MGMT: variants seen among roughly 807,000 people sequenced by gnomAD.
MGMT encodes the protein methylated-DNA--protein-cysteine methyltransferase.
A neutral mutation model predicts 15.9 loss-of-function variants in MGMT; 14 were observed. The ratio of observed to expected loss-of-function variants is 0.88; its 90% CI spans 0.58 to 1.37. The LOEUF is 1.37. Ranked by LOEUF, MGMT falls within the 40% of genes most tolerant of loss-of-function variation. The probability of loss-of-function intolerance (pLI) is 0.00; values close to 1 mark genes in which losing one functional copy is unlikely to be tolerated. For missense variants in MGMT, 282 were observed against 268.1 expected, an observed-to-expected ratio of 1.05 and a Z score of -0.36; for synonymous variants, 130 against 118.2, an observed-to-expected ratio of 1.10 and a Z score of -0.65.
chr10:129,609,009 C>T lies in MGMT; in HGVS notation c.125+72632C>T, dbSNP rs572715161. 2.0e-5 allele frequency among the ~76,000 whole-genome samples: 3 copies of T among 152,248 alleles called. No individual in the cohort carries two copies. In the East Asian group the frequency reaches 5.8e-4, roughly 29 times the overall value. The stretch of plus-strand genomic sequence containing the variant: ...CCTGCTCTCTCATGTCACCTGCCGG[C>T]GGTGGCATGGAGACAAAGCCTTCTC... On this transcript the variant is annotated intron_variant, in intron 2 of 4. Coordinates refer to ENST00000651593, the MANE Select transcript of MGMT (RefSeq NM_002412.5).
chr10:129,612,640 G>A (rs1396122137), intron 2 of MGMT, among the ~76,000 whole-genome samples: 1 of 152,178 alleles, frequency 6.6e-6, no homozygotes, highest in Non-Finnish European at 1.5e-5. Context: ...ATTACCGGAA[G>A]AAACTGTGCT....
chr10:129,710,043 C>T (rs971385995), intron 3 of MGMT, among the ~76,000 whole-genome samples: 1 of 152,240 alleles, frequency 6.6e-6, no homozygotes, highest in Non-Finnish European at 1.5e-5. Context: ...AGGCGGGCCC[C>T]TGGGGCTTCT....
Position 129,693,375 on chromosome 10 carries a change from C to G in MGMT, c.126-14520C>G, listed in dbSNP as rs563992442. 9.2e-5 allele frequency among the ~76,000 whole-genome samples: 14 copies of G among 152,314 alleles called. No homozygotes were observed. In the South Asian group the frequency reaches 2.9e-3, roughly 32 times the overall value. ...AGTCCCCTTTTTCAAGTTTCTCAAA[C>G]TGGAATTTTCTTGAGCATCTAAGAA... is the stretch of plus-strand genomic sequence containing the variant. On this transcript the variant is annotated intron_variant, in intron 2 of 4. Coordinates refer to ENST00000651593, the MANE Select transcript of MGMT (RefSeq NM_002412.5).
chr10:129,609,689 G>A (rs1182171752), intron 2 of MGMT, among the ~76,000 whole-genome samples: 1 of 152,206 alleles, frequency 6.6e-6, no homozygotes, highest in Non-Finnish European at 1.5e-5. Context: ...AAGACCTGGT[G>A]CTTCTTTGCT....
At chr10:129,481,890 C>A (rs1367371136) in intron 1 of MGMT, among the ~76,000 whole-genome samples, 2 of 152,100 alleles carry the variant, frequency 1.3e-5, no homozygotes, top group African/African-American at 4.8e-5. Flanking sequence ...ACTTTCGTTA[C>A]TTGATTTTTC....
At chr10:129,616,095 C>T (rs953932201) in intron 2 of MGMT, among the ~76,000 whole-genome samples, 1 of 152,158 alleles carries the variant, frequency 6.6e-6, no homozygotes, top group Admixed American at 6.5e-5. Context: ...CAAGCCAGGG[C>T]ACAGACGTGT....
chr10:129,616,074 A>G (rs1453235772), intron 2 of MGMT, among the ~76,000 whole-genome samples: 1 of 152,134 alleles, frequency 6.6e-6, no homozygotes, highest in Non-Finnish European at 1.5e-5. Flanking sequence ...GTTCTTTGGC[A>G]GTTAGGAAAG....
rs552508502 is a variant in MGMT, at chr10:129,697,135, G to A, written c.126-10760G>A. The stretch of plus-strand genomic sequence containing the variant: ...GGAAGCTTCTAGTGTATAATAGAAA[G>A]TAGGTTGGTTACTCATTCCCATTGT... On this transcript the variant is annotated intron_variant, in intron 2 of 4. Coordinates refer to ENST00000651593, the MANE Select transcript of MGMT (RefSeq NM_002412.5). Among the ~76,000 whole-genome samples the A allele has an allele frequency of 9.2e-5, 14 of 152,352 alleles. No homozygotes were observed. The South Asian group carries it at 2.7e-3, about 29-fold the overall frequency.
At chr10:129,571,089 T>C (rs1846412035) in intron 2 of MGMT, among the ~76,000 whole-genome samples, 1 of 152,216 alleles carries the variant, frequency 6.6e-6, no homozygotes, top group African/African-American at 2.4e-5. Flanking sequence ...TGTTAGTGTA[T>C]GAGCACACAC....
intron 2 of MGMT, among the ~76,000 whole-genome samples, chr10:129,693,535 G>C (rs534855211): frequency 2.1e-4 from 32 of 152,296 alleles, no homozygotes; most frequent in Non-Finnish European, 4.1e-4. Context: ...GTAGGTGGAG[G>C]CTTCTCTTGG....
At chr10:129,499,431 G>A (rs1845554006) in intron 1 of MGMT, among the ~76,000 whole-genome samples, 1 of 152,220 alleles carries the variant, frequency 6.6e-6, no homozygotes, top group Admixed American at 6.5e-5. Context: ...CATGTTGGAT[G>A]TGGAAAACAA....
rs1233110209 is a variant in MGMT at position 129,643,756 on chromosome 10, T to C, written c.126-64139T>C. On this transcript the variant is annotated intron_variant, in intron 2 of 4. Coordinates refer to ENST00000651593, the MANE Select transcript of MGMT (RefSeq NM_002412.5). ...AGCCTGTGTTTACAGCAGTCCTCTCTTTGGTCTTAACAACCCAACGTGAAT... is the reference window on the plus strand; with the variant it reads ...AGCCTGTGTTTACAGCAGTCCTCTCCTTGGTCTTAACAACCCAACGTGAAT... Among the ~76,000 whole-genome samples, 13 of 152,338 alleles carry C rather than the reference T, an allele frequency of 8.5e-5. No homozygotes were observed. The East Asian group carries it at 2.5e-3, about 29-fold the overall frequency.
intron 2 of MGMT, among the ~76,000 whole-genome samples, chr10:129,685,884 T>C (rs1847899346): frequency 6.6e-6 from 1 of 152,234 alleles, no homozygotes. Flanking sequence ...AACGTTTCTA[T>C]TTATATTCTT....
chr10:129,763,921 A>G (rs1327823825), intron 4 of MGMT, among the ~76,000 whole-genome samples: 1 of 152,208 alleles, frequency 6.6e-6, no homozygotes, highest in African/African-American at 2.4e-5. Flanking sequence ...CGCCACCTGC[A>G]TGTTCCCATG....
chr10:129,594,167 G>A (rs1846723484), intron 2 of MGMT, among the ~76,000 whole-genome samples: 1 of 152,188 alleles, frequency 6.6e-6, no homozygotes, highest in Admixed American at 6.5e-5. Context: ...GATGCATGAG[G>A]CTAGAAACAG....
intron 2 of MGMT, among the ~76,000 whole-genome samples, chr10:129,609,767 G>A (rs1030585962): frequency 2.6e-5 from 4 of 152,144 alleles, no homozygotes; most frequent in Admixed American, 2.0e-4. Flanking sequence ...GCAGGAGAGC[G>A]GAAGAGCAGG....
chr10:129,603,637 A>G (rs1237977256), intron 2 of MGMT, among the ~76,000 whole-genome samples: 2 of 152,264 alleles, frequency 1.3e-5, no homozygotes, highest in Non-Finnish European at 2.9e-5. Flanking sequence ...TAGAGCAGAA[A>G]TAGCATTTTA....
At chr10:129,739,877 C>T (rs1454830995) in intron 3 of MGMT, among the ~76,000 whole-genome samples, 1 of 151,870 alleles carries the variant, frequency 6.6e-6, no homozygotes, top group Non-Finnish European at 1.5e-5. Context: ...AAAGATTAGA[C>T]ACCCCTGCCC....
At chr10:129,475,366 A>C (rs1245679230) in intron 1 of MGMT, among the ~76,000 whole-genome samples, 1 of 151,994 alleles carries the variant, frequency 6.6e-6, no homozygotes, top group African/African-American at 2.4e-5. Flanking sequence ...TCAGATGAGA[A>C]AGTGCGTGCC....
Sources: gnomAD v4.1 joint callset for allele counts (sites outside exome capture counted in the v4.1 genomes callset) on GRCh38, gnomAD v4.1.1 for gene constraint, MANE v1.5 for transcripts, NCBI Gene and HGNC (gene_info 2026-07-23, HGNC 2026-07-21) for gene names.